Variants in MYO6 observed in about 807,000 individuals in gnomAD.
MYO6 encodes the protein myosin VI.
A neutral mutation model predicts 178.7 loss-of-function variants in MYO6; 74 were observed. The ratio of observed to expected loss-of-function variants is 0.41; its 90% CI spans 0.34 to 0.50. MYO6 has a LOEUF of 0.50. MYO6 is among the 20% of genes least tolerant of loss of function. The probability of loss-of-function intolerance (pLI) is 0.09; values close to 1 mark genes in which losing one functional copy is unlikely to be tolerated. For missense variants in MYO6, 1,330 were observed against 1,547.4 expected (o/e 0.86, Z 2.36); for synonymous variants, 477 against 504.6 (o/e 0.95, Z 0.73).
chr6:75,879,419 ATT>A lies in MYO6; in HGVS notation c.2078-384_2078-383del, dbSNP rs34598660. ...ACTAGCATGCCTGGCTGATTTCTCT[ATT>A]TTTTTTTTTTTTTTTTGTAGAGATG... On this transcript the variant is annotated intron_variant, in intron 20 of 34. Transcript: ENST00000369977. Among the ~76,000 whole-genome samples, 94 of 126,380 alleles carry A rather than the reference ATT, an allele frequency of 7.4e-4. 1 individual carries two copies. The highest frequency in any genetic ancestry group is 3.9e-3 in the South Asian group (15 of 3,890). The allele number at this position is 126,380 out of a possible 152,430, so 82.9% of individuals were successfully genotyped here. A position where few individuals can be genotyped will look rare whatever the true frequency, so the allele number is the denominator to read the frequency against.
At chr6:75,822,702 G>A in intron 2 of MYO6, 80 bp from the exon 3 acceptor site, 1 of 1,041,166 alleles carries the variant, frequency 9.6e-7, no homozygotes, top group South Asian at 1.3e-5. Context: ...CTATTACAGT[G>A]TATGCAACCA....
intron 1 of MYO6, among the ~76,000 whole-genome samples, chr6:75,777,680 G>T (rs1331066374): frequency 6.6e-6 from 1 of 151,846 alleles, no homozygotes; most frequent in African/African-American, 2.4e-5. Context: ...CAATCTGTCT[G>T]CCCCCTGTGG....
Position 75,798,989 on chromosome 6 carries a change from C to T in MYO6, c.-47-18512C>T, listed in dbSNP as rs1227167550. On this transcript the variant is annotated intron_variant, in intron 1 of 34. Coordinates refer to ENST00000369977, the MANE Select transcript of MYO6 (RefSeq NM_004999.4). The stretch of plus-strand genomic sequence containing the variant: ...TTCAAGCTGAAAGTCAAATCAAGAA[C>T]ACAATCCCGTTTACAACAGCCACAT... 3.9e-5 allele frequency among the ~76,000 whole-genome samples: 6 copies of T among 152,176 alleles called. 1 individual carries two copies. Among genetic ancestry groups the T allele is most frequent in the Admixed American group, 6.5e-5 (1 of 15,272 alleles).
rs1363251332 is a variant in MYO6, at chr6:75,895,213, A to C, written c.3108-18A>C. On this transcript the variant is annotated intron_variant, in intron 28 of 34. Coordinates refer to ENST00000369977, the MANE Select transcript of MYO6 (RefSeq NM_004999.4). ...CACAATTGGTTACGATATTAACTAA[A>C]ATATATTCTTTTCACAGAAATGATG... The C allele has an allele frequency of 1.3e-6, 2 of 1,590,336 alleles. No individual in the cohort carries two copies. The highest frequency in any genetic ancestry group is 1.7e-6 in the Non-Finnish European group (2 of 1,159,896).
intron 1 of MYO6, among the ~76,000 whole-genome samples, chr6:75,793,774 A>G (rs2150093931): frequency 6.6e-6 from 1 of 152,338 alleles, no homozygotes; most frequent in East Asian, 1.9e-4. Flanking sequence ...ACGTACATTT[A>G]TATCTTCTTT....
intron 32 of MYO6, among the ~76,000 whole-genome samples, chr6:75,911,027 C>T (rs1317643063): frequency 6.6e-6 from 1 of 152,102 alleles, no homozygotes; most frequent in Non-Finnish European, 1.5e-5. Flanking sequence ...CTCAGACCCT[C>T]TTCCTGGTAC....
chr6:75,865,921 T>C (rs1263212948), intron 16 of MYO6, among the ~76,000 whole-genome samples: 1 of 152,190 alleles, frequency 6.6e-6, no homozygotes, highest in Non-Finnish European at 1.5e-5. Context: ...TGATTTGATA[T>C]AAATGGTATG....
chr6:75,898,236 T>G, intron 29 of MYO6, 137 bp from the exon 30 acceptor site: 2 of 583,728 alleles, frequency 3.4e-6, no homozygotes, highest in South Asian at 3.4e-5. Context: ...ATTCTAGGCA[T>G]TAACAAAGTA....
At chr6:75,757,972 CTTTT>C (rs71002761) in intron 1 of MYO6, among the ~76,000 whole-genome samples, 75 of 74,306 alleles carry the variant, frequency 1.0e-3, no homozygotes, top group Middle Eastern at 0.036. Context: ...TTGAAGTTGG[CTTTT>C]TTTTTTTTTT....
At chr6:75,879,283 T>C (rs1486463759) in intron 20 of MYO6, among the ~76,000 whole-genome samples, 1 of 152,170 alleles carries the variant, frequency 6.6e-6, no homozygotes, top group Non-Finnish European at 1.5e-5. Flanking sequence ...TCTCACTTTG[T>C]CACCCAGGCT....
chr6:75,818,630 A>G (rs1413429539), intron 2 of MYO6, among the ~76,000 whole-genome samples: 1 of 152,234 alleles, frequency 6.6e-6, no homozygotes, highest in African/African-American at 2.4e-5. Context: ...AACTAATGCC[A>G]TATGACTACC....
chr6:75,814,946 CATTT>C (rs1771071388), intron 1 of MYO6, among the ~76,000 whole-genome samples: 1 of 151,954 alleles, frequency 6.6e-6, no homozygotes, highest in South Asian at 2.1e-4. Context: ...ACAATTCATT[CATTT>C]ACCAGTGAAT....
rs1056301638 is a variant in MYO6 at position 75,893,971 on chromosome 6, T to A, written c.3108-1260T>A. On this transcript the variant is annotated intron_variant, in intron 28 of 34. Coordinates refer to ENST00000369977, the MANE Select transcript of MYO6 (RefSeq NM_004999.4). ...TTGGGAGTCTTTATGTGTAACTGAC[T>A]AGCCGCCTAGGGCAGGCTCTTAAAC... 7.5e-4 allele frequency among the ~76,000 whole-genome samples: 114 copies of A among 152,342 alleles called. 2 individuals are homozygous for A. Among genetic ancestry groups the A allele is most frequent in the Admixed American group, 6.2e-3 (95 of 15,310 alleles).
chr6:75,899,064 A>G (rs928317042), intron 30 of MYO6, among the ~76,000 whole-genome samples: 1 of 152,182 alleles, frequency 6.6e-6, no homozygotes, highest in Admixed American at 6.5e-5. Context: ...TAATCAGCAA[A>G]TTACCCCTTT....
rs1581998456 is a variant in MYO6, at chr6:75,908,533, T to C, written c.3318T>C (p.His1106=). Residue 1106 remains histidine (H), a synonymous_variant, in exon 32 of 35, where the codon CAT becomes CAC. Coordinates refer to ENST00000369977, the MANE Select transcript of MYO6 (RefSeq NM_004999.4). ...ELLAACREEF[H]RRLKVYHAWK... ...TGGCAGCTTGCAGAGAAGAATTTCA[T>C]AGGAGACTAAAAGTGTATCATGCTT... is the stretch of plus-strand genomic sequence containing the variant. The C allele has an allele frequency of 1.9e-6, 3 of 1,613,618 alleles. No individual in the cohort carries two copies. The highest frequency in any genetic ancestry group is 1.7e-6 in the Non-Finnish European group (2 of 1,179,712).
At chr6:75,768,055 A>G (rs1422287421) in intron 1 of MYO6, 1 of 151,716 alleles carries the variant, frequency 6.6e-6, no homozygotes, top group African/African-American at 2.4e-5. Flanking sequence ...CTGCAATAAT[A>G]AAAAAGAAAC....
chr6:75,910,810 A>G (rs117177444), intron 32 of MYO6, among the ~76,000 whole-genome samples: 1,586 of 152,280 alleles, frequency 0.01, 12 homozygotes, highest in Middle Eastern at 0.024. Flanking sequence ...AGAAAATTCT[A>G]TACTTAAATG....
intron 30 of MYO6, among the ~76,000 whole-genome samples, chr6:75,899,879 T>A (rs1205822367): frequency 1.3e-5 from 1 of 79,968 alleles, no homozygotes. Context: ...ATGCTATCCC[T>A]CCCCCCTCCC....
chr6:75,831,640 C>G (rs1280055), intron 5 of MYO6, among the ~76,000 whole-genome samples: 91,733 of 151,984 alleles, frequency 0.6, 28,574 homozygotes, highest in East Asian at 0.76. Flanking sequence ...TGGCTTATGC[C>G]TGTAATCCAA....
Sources: allele counts gnomAD v4.1 joint callset (sites outside exome capture counted in the v4.1 genomes callset), GRCh38; gene constraint gnomAD v4.1.1; transcripts MANE v1.5; gene names NCBI Gene and HGNC (gene_info 2026-07-23, HGNC 2026-07-21).